RGL1: variants seen among roughly 807,000 people sequenced by gnomAD.
RGL1 encodes the protein ral guanine nucleotide dissociation stimulator like 1.
In RGL1, 24 loss-of-function variants were observed where a neutral mutation model predicts 95.2. The ratio of observed to expected loss-of-function variants is 0.25; its 90% CI spans 0.18 to 0.35. RGL1 has a LOEUF of 0.35. RGL1 is among the 10% of genes least tolerant of loss of function. The pLI, the probability that RGL1 is intolerant of heterozygous loss-of-function variation, is 1.00. For missense variants in RGL1, 715 were observed against 936.3 expected (o/e 0.76, Z 3.08); for synonymous variants, 329 against 344.9 (o/e 0.95, Z 0.51).
intron 2 of RGL1, among the ~76,000 whole-genome samples, chr1:183,756,104 T>G (rs1162930687): frequency 2.0e-5 from 3 of 151,994 alleles, no homozygotes; most frequent in Non-Finnish European, 2.9e-5. Context: ...AGGCTGGTCT[T>G]GAACTCCTGC....
intron 2 of RGL1, among the ~76,000 whole-genome samples, chr1:183,745,097 T>G (rs1325437075): frequency 6.6e-6 from 1 of 152,178 alleles, no homozygotes; most frequent in Admixed American, 6.6e-5. Flanking sequence ...GGGACCTTGT[T>G]GTAACACAAA....
chr1:183,839,245 A>G (rs1663872015), intron 2 of RGL1, among the ~76,000 whole-genome samples: 1 of 152,050 alleles, frequency 6.6e-6, no homozygotes, highest in Non-Finnish European at 1.5e-5. Context: ...CCTTCTCCCA[A>G]CTTTTAGATT....
intron 1 of RGL1, among the ~76,000 whole-genome samples, chr1:183,652,162 C>T (rs777792180): frequency 3.3e-5 from 5 of 152,250 alleles, no homozygotes; most frequent in Middle Eastern, 3.4e-3. Flanking sequence ...ATAATGGTCC[C>T]ATAATTACCC....
At chr1:183,877,282 C>G (rs1210777246) in intron 4 of RGL1, among the ~76,000 whole-genome samples, 1 of 152,208 alleles carries the variant, frequency 6.6e-6, no homozygotes, top group Non-Finnish European at 1.5e-5. Flanking sequence ...TTTACATCCC[C>G]CCACTCTGTT....
intron 1 of RGL1, among the ~76,000 whole-genome samples, chr1:183,655,911 T>C (rs1008256330): frequency 3.3e-5 from 5 of 152,294 alleles, no homozygotes; most frequent in African/African-American, 1.2e-4. Flanking sequence ...TCCAACTCTC[T>C]GTGGGAAAGG....
intron 2 of RGL1, among the ~76,000 whole-genome samples, chr1:183,838,301 G>C (rs975417034): frequency 3.3e-5 from 5 of 152,146 alleles, no homozygotes; most frequent in Admixed American, 6.5e-5. Context: ...CTCTTTTTCA[G>C]GAGATGAGAA....
At chr1:183,729,866 A>C (rs1164652610) in intron 1 of RGL1, among the ~76,000 whole-genome samples, 4 of 152,214 alleles carry the variant, frequency 2.6e-5, no homozygotes, top group African/African-American at 9.6e-5. Flanking sequence ...ACCGAAAAAA[A>C]AGTAGGTATT....
intron 2 of RGL1, among the ~76,000 whole-genome samples, chr1:183,797,979 A>G (rs1572423742): frequency 6.6e-6 from 1 of 152,226 alleles, no homozygotes; most frequent in African/African-American, 2.4e-5. Flanking sequence ...TGGATCTATA[A>G]TCTTTATTAT....
At chr1:183,773,123 A>T (rs1006956593) in intron 2 of RGL1, among the ~76,000 whole-genome samples, 2 of 150,402 alleles carry the variant, frequency 1.3e-5, no homozygotes, top group Non-Finnish European at 2.9e-5. Flanking sequence ...GCTCTTACTC[A>T]TCCTTCAGAC....
intron 1 of RGL1, among the ~76,000 whole-genome samples, chr1:183,662,617 A>G (rs1651722999): frequency 6.6e-6 from 1 of 152,194 alleles, no homozygotes; most frequent in Admixed American, 6.5e-5. Context: ...AATCAATATC[A>G]TAAAAATGGC....
chr1:183,865,509 A>G (rs1665771206), intron 3 of RGL1, among the ~76,000 whole-genome samples: 1 of 152,124 alleles, frequency 6.6e-6, no homozygotes, highest in South Asian at 2.1e-4. Flanking sequence ...ACTTATTTTC[A>G]AGGAGACCAG....
chr1:183,751,753 G>A (rs959790348), intron 2 of RGL1, among the ~76,000 whole-genome samples: 2 of 152,184 alleles, frequency 1.3e-5, no homozygotes, highest in African/African-American at 4.8e-5. Flanking sequence ...GGGCCAGAGA[G>A]CACCATCCCT....
rs537331802 is a variant in RGL1 at position 183,911,500 on chromosome 1, C to G, written c.1563-582C>G. Among the ~76,000 whole-genome samples the G allele has an allele frequency of 2.6e-5, 4 of 152,322 alleles. No homozygotes were observed. In the East Asian group the frequency reaches 5.8e-4, roughly 22 times the overall value. On this transcript the variant is annotated intron_variant, in intron 14 of 17. Coordinates refer to ENST00000360851, the MANE Select transcript of RGL1 (RefSeq NM_001297671.3). Reference sequence around the variant, plus strand: ...CCAAGATTGGGGCCTCCCACTCCCCCACCAGAGCAGCTGCAGAACTAGCTC... The same window carrying G: ...CCAAGATTGGGGCCTCCCACTCCCCGACCAGAGCAGCTGCAGAACTAGCTC...
At chr1:183,735,273 C>A (rs1047471442) in intron 1 of RGL1, among the ~76,000 whole-genome samples, 23 of 152,284 alleles carry the variant, frequency 1.5e-4, no homozygotes, top group African/African-American at 5.5e-4. Flanking sequence ...ATTGTGCAAC[C>A]TTGCTCAGCA....
rs149751789 is a variant in RGL1, at chr1:183,656,113, C to CTTTTCTT, written c.-33+19616_-33+19617insCTTTTTT. 9.8e-3 allele frequency among the ~76,000 whole-genome samples: 1,416 copies of CTTTTCTT among 144,998 alleles called. 25 individuals are homozygous for CTTTTCTT. The highest frequency in any genetic ancestry group is 0.034 in the African/African-American group (1,344 of 39,338). ...GACCAAGTTTTTTTTCTTTTCTTTT[C>CTTTTCTT]TTTTTTTTTTCTCATGAAAACAGGA... On this transcript the variant is annotated intron_variant, in intron 1 of 18. Transcript: ENST00000304685.
chr1:183,895,647 A>G (rs1667649562), intron 9 of RGL1, among the ~76,000 whole-genome samples: 1 of 152,134 alleles, frequency 6.6e-6, no homozygotes, highest in Non-Finnish European at 1.5e-5. Context: ...AGTCACAAAA[A>G]CCTATGAAAA....
intron 4 of RGL1, among the ~76,000 whole-genome samples, chr1:183,872,759 G>A (rs1250856562): frequency 6.6e-6 from 1 of 152,172 alleles, no homozygotes. Flanking sequence ...CAGAGAGTTT[G>A]CAATCAATAT....
intron 6 of RGL1, 61 bp downstream of exon 6, chr1:183,883,971 T>C: frequency 6.4e-7 from 1 of 1,559,546 alleles, no homozygotes; most frequent in Non-Finnish European, 8.8e-7. Context: ...GTGATGGCAC[T>C]GGTGCCCCGG....
At chr1:183,900,295 G>C (rs1667942047) in intron 11 of RGL1, 59 bp downstream of exon 11, 1 of 1,355,930 alleles carries the variant, frequency 7.4e-7, no homozygotes, top group East Asian at 2.3e-5. Context: ...ATACCCTAAA[G>C]AGTAGTTAAC....
Sources: allele counts gnomAD v4.1 joint callset (sites outside exome capture counted in the v4.1 genomes callset), GRCh38; gene constraint gnomAD v4.1.1; transcripts MANE v1.5; gene names NCBI Gene and HGNC (gene_info 2026-07-23, HGNC 2026-07-21).